The following MYO1F variants were observed in gnomAD, a reference collection of about 807,000 sequenced individuals.
The protein encoded by MYO1F is unconventional myosin-If.
In MYO1F, 60 loss-of-function variants were observed where a neutral mutation model predicts 146.6. The observed-to-expected ratio is 0.41, with a 90% CI of 0.33 to 0.51. MYO1F has a LOEUF of 0.51. Ranked by LOEUF, MYO1F falls within the 20% of genes least tolerant of loss-of-function variation. MYO1F has a pLI of 0.25. For synonymous variants in MYO1F, 602 were observed against 602.1 expected (o/e 1.00, Z 0.00); for missense variants, 1,274 against 1,534.3 (o/e 0.83, Z 2.83).
chr19:8,522,335 T>G (rs1465826773), intron 27 of MYO1F, 42 bp downstream of exon 27: 2 of 1,612,828 alleles, frequency 1.2e-6, no homozygotes, highest in Non-Finnish European at 1.7e-6. Flanking sequence ...GTCAGGGTTC[T>G]TACCACTCCC....
intron 19 of MYO1F, among the ~76,000 whole-genome samples, chr19:8,532,444 A>G (rs1972522099): frequency 1.3e-5 from 2 of 152,346 alleles, no homozygotes; most frequent in East Asian, 1.9e-4. Flanking sequence ...ATATTAAAAT[A>G]CTGTAAATCT....
chr19:8,524,036 T>G (rs1022061222), intron 25 of MYO1F, among the ~76,000 whole-genome samples: 3 of 144,572 alleles, frequency 2.1e-5, no homozygotes, highest in Non-Finnish European at 4.5e-5. Context: ...GGAGAATTGC[T>G]TCAACCTGGG....
intron 1 of MYO1F, among the ~76,000 whole-genome samples, chr19:8,561,375 T>TCCCTTCCC (rs1174541554): frequency 0.14 from 8,599 of 61,304 alleles, 527 homozygotes; most frequent in South Asian, 0.22. Context: ...CCTCCCTCCC[T>TCCCTTCCC]CCCTTCCCCC....
chr19:8,526,378 C>G, intron 24 of MYO1F, 75 bp downstream of exon 24: 1 of 1,531,832 alleles, frequency 6.5e-7, no homozygotes, highest in South Asian at 1.2e-5. Context: ...TAGACACTCC[C>G]CTTCCTGGCC....
intron 12 of MYO1F, among the ~76,000 whole-genome samples, chr19:8,545,960 C>T (rs76644197): frequency 0.021 from 3,174 of 152,128 alleles, 126 homozygotes; most frequent in African/African-American, 0.073. Flanking sequence ...CCCCAGCTCC[C>T]TCGCTTCTCC....
chr19:8,539,911 G>A (rs1353416900), intron 16 of MYO1F, 36 bp downstream of exon 16: 1 of 1,593,810 alleles, frequency 6.3e-7, no homozygotes, highest in South Asian at 1.1e-5. Flanking sequence ...TCAGCCCTCT[G>A]CAGGCCCAGC....
chr19:8,545,612 C>CAGTGA, intron 13 of MYO1F, 38 bp downstream of exon 13: 1 of 1,533,634 alleles, frequency 6.5e-7, no homozygotes, highest in South Asian at 1.1e-5. Context: ...CTCAGGGGAC[C>CAGTGA]AGTGAGACGC....
chr19:8,552,510 G>A (rs1973657253), intron 6 of MYO1F, among the ~76,000 whole-genome samples: 1 of 151,920 alleles, frequency 6.6e-6, no homozygotes, highest in Non-Finnish European at 1.5e-5. Context: ...CAAGTGATCC[G>A]CCTGTCTCAG....
chr19:8,559,582 G>A (rs930010879), intron 1 of MYO1F, among the ~76,000 whole-genome samples: 4 of 152,090 alleles, frequency 2.6e-5, no homozygotes, highest in African/African-American at 9.7e-5. Flanking sequence ...GGGGAACAAG[G>A]TGGGATGGGA....
In MYO1F at chr19:8,576,590, G is replaced by A. The variant is rs561111788; in HGVS notation, c.3+717C>T. ...GCGCCATGATCACGACAGTCTCCCC[G>A]TTGCTATCATCGACAGACCTCAGAC... On this transcript the variant is annotated intron_variant, in intron 1 of 27. Transcript: ENST00000644032. 5 of 155,758 alleles carry A rather than the reference G, an allele frequency of 3.2e-5. 1 individual carries two copies. In the South Asian group the frequency reaches 5.5e-4, roughly 17 times the overall value. The allele number at this position is 155,758 out of a possible 1,614,324, so 9.6% of individuals were successfully genotyped here.
chr19:8,555,448 G>A (rs1012652975), intron 2 of MYO1F: 16 of 452,478 alleles, frequency 3.5e-5, no homozygotes, highest in Non-Finnish European at 5.7e-5. Context: ...AATGGAACAC[G>A]CTGGGGCTGA....
intron 21 of MYO1F, among the ~76,000 whole-genome samples, chr19:8,529,307 G>A (rs1480226117): frequency 6.6e-6 from 1 of 152,084 alleles, no homozygotes; most frequent in African/African-American, 2.4e-5. Context: ...TCAAGTGAGT[G>A]TGTACCTGGC....
At chr19:8,543,499 C>G (rs1044788480) in intron 14 of MYO1F, among the ~76,000 whole-genome samples, 2 of 151,920 alleles carry the variant, frequency 1.3e-5, no homozygotes, top group Non-Finnish European at 2.9e-5. Context: ...TGGGGCTTAT[C>G]TGAACATAGG....
intron 14 of MYO1F, among the ~76,000 whole-genome samples, chr19:8,542,304 G>C (rs1027431032): frequency 3.5e-5 from 5 of 144,838 alleles, no homozygotes; most frequent in African/African-American, 1.3e-4. Flanking sequence ...ATCAGAGGCC[G>C]GGGGGCGGTG....
At chr19:8,556,341 T>TA (rs1973854254) in intron 1 of MYO1F, among the ~76,000 whole-genome samples, 1 of 150,290 alleles carries the variant, frequency 6.7e-6, no homozygotes, top group South Asian at 2.2e-4. Context: ...CTTTTTTTTT[T>TA]AATTAAAAAA....
intron 1 of MYO1F, among the ~76,000 whole-genome samples, chr19:8,562,992 C>G (rs1173176837): frequency 6.6e-6 from 1 of 150,876 alleles, no homozygotes; most frequent in Non-Finnish European, 1.5e-5. Flanking sequence ...TTCTTTCCTT[C>G]TTTCCTTTTT....
intron 1 of MYO1F, among the ~76,000 whole-genome samples, chr19:8,574,079 C>T (rs1555732645): frequency 1.3e-5 from 2 of 152,108 alleles, no homozygotes; most frequent in Non-Finnish European, 2.9e-5. Context: ...CAGCAACCAC[C>T]GATGGTCATC....
chr19:8,528,137 G>A (rs1227404810), intron 21 of MYO1F, among the ~76,000 whole-genome samples: 1 of 152,102 alleles, frequency 6.6e-6, no homozygotes, highest in African/African-American at 2.4e-5. Flanking sequence ...CAGGAGAATC[G>A]CTTGAACCCA....
At chr19:8,575,378 C>T (rs535052540) in intron 1 of MYO1F, among the ~76,000 whole-genome samples, 49 of 152,026 alleles carry the variant, frequency 3.2e-4, no homozygotes, top group African/African-American at 1.1e-3. Context: ...CCCGGCCGGG[C>T]ATTAGATTGT....
Sources: gnomAD v4.1 joint callset for allele counts (sites outside exome capture counted in the v4.1 genomes callset) on GRCh38, gnomAD v4.1.1 for gene constraint, MANE v1.5 for transcripts, NCBI Gene and HGNC (gene_info 2026-07-23, HGNC 2026-07-21) for gene names.